SLIT2: variants seen among roughly 807,000 people sequenced by gnomAD.
SLIT2 encodes slit homolog 2 protein.
Under a neutral mutation model 185.7 loss-of-function variants are expected in SLIT2, and 41 were observed. The ratio of observed to expected loss-of-function variants is 0.22; its 90% CI spans 0.17 to 0.29. The LOEUF (loss-of-function observed/expected upper bound fraction) is 0.29. Ranked by LOEUF, SLIT2 falls within the 10% of genes least tolerant of loss-of-function variation. SLIT2 has a pLI of 1.00. For missense variants in SLIT2, 1,571 were observed against 1,909.0 expected (o/e 0.82, Z 3.30); for synonymous variants, 693 against 680.2 (o/e 1.02, Z -0.29).
chr4:20,510,449 G>A (rs368491077), intron 9 of SLIT2, 46 bp from the exon 10 acceptor site: 21 of 1,192,130 alleles, frequency 1.8e-5, no homozygotes, highest in Non-Finnish European at 2.3e-5. Context: ...AAACATGTCC[G>A]AAGGTTCACA....
Position 20,405,195 on chromosome 4 carries a change from T to TTATATATA in SLIT2, c.396-62550_396-62543dup, listed in dbSNP as rs149863258. 5.4e-3 allele frequency among the ~76,000 whole-genome samples: 806 copies of TTATATATA among 150,194 alleles called. 3 individuals are homozygous for TTATATATA. The highest frequency in any genetic ancestry group is 0.019 in the African/African-American group (770 of 41,156). On this transcript the variant is annotated intron_variant, in intron 4 of 36. Transcript: ENST00000504154. The stretch of plus-strand genomic sequence containing the variant: ...TTTAACATATACACTACACTGCCTA[T>TTATATATA]TATATATATATATAGCATTAAATAA...
intron 4 of SLIT2, among the ~76,000 whole-genome samples, chr4:20,384,831 T>C (rs1724805522): frequency 6.6e-6 from 1 of 152,092 alleles, no homozygotes; most frequent in South Asian, 2.1e-4. Flanking sequence ...TGCTTTATGG[T>C]TTTGAAAGTA....
chr4:20,418,396 A>G (rs1415671953), intron 4 of SLIT2, among the ~76,000 whole-genome samples: 2 of 152,228 alleles, frequency 1.3e-5, no homozygotes, highest in Non-Finnish European at 2.9e-5. Flanking sequence ...TATCTATGTA[A>G]GGTCCTAGTT....
At chr4:20,369,035 G>A (rs1723358620) in intron 4 of SLIT2, among the ~76,000 whole-genome samples, 1 of 152,078 alleles carries the variant, frequency 6.6e-6, no homozygotes, top group African/African-American at 2.4e-5. Flanking sequence ...TATTTCAGAG[G>A]AATTCAATTG....
intron 3 of SLIT2, among the ~76,000 whole-genome samples, chr4:20,265,067 G>A (rs1272568769): frequency 6.6e-6 from 1 of 151,780 alleles, no homozygotes; most frequent in Non-Finnish European, 1.5e-5. Flanking sequence ...TTCACTACAT[G>A]CTGTTTCCTG....
At chr4:20,343,960 C>T (rs1468577468) in intron 4 of SLIT2, among the ~76,000 whole-genome samples, 1 of 152,052 alleles carries the variant, frequency 6.6e-6, no homozygotes, top group Non-Finnish European at 1.5e-5. Flanking sequence ...AAGCAATTCT[C>T]CTGCCTCAGC....
At chr4:20,513,233 T>A (rs1473473335) in intron 11 of SLIT2, among the ~76,000 whole-genome samples, 1 of 152,136 alleles carries the variant, frequency 6.6e-6, no homozygotes, top group African/African-American at 2.4e-5. Context: ...GTCACTGGGG[T>A]TTTTCCAGTT....
At chr4:20,598,987 A>G (rs1170115481) in intron 33 of SLIT2, among the ~76,000 whole-genome samples, 1 of 152,162 alleles carries the variant, frequency 6.6e-6, no homozygotes, top group Non-Finnish European at 1.5e-5. Context: ...CCAGAGAATC[A>G]AATGAAGATA....
At chr4:20,328,804 T>A (rs1282421146) in intron 4 of SLIT2, among the ~76,000 whole-genome samples, 3 of 152,044 alleles carry the variant, frequency 2.0e-5, no homozygotes, top group Admixed American at 6.6e-5. Flanking sequence ...GGTGATGCTA[T>A]TGTAATGGAT....
intron 1 of SLIT2, among the ~76,000 whole-genome samples, chr4:20,256,322 G>T (rs113217539): frequency 6.7e-6 from 1 of 150,308 alleles, no homozygotes; most frequent in Admixed American, 6.6e-5. Context: ...TTTTTGGGGG[G>T]GGTGCCTAAC....
chr4:20,360,745 G>A (rs1393851459), intron 4 of SLIT2, among the ~76,000 whole-genome samples: 1 of 152,054 alleles, frequency 6.6e-6, no homozygotes, highest in Non-Finnish European at 1.5e-5. Flanking sequence ...ACTGTGCATG[G>A]TACATACTAT....
At chr4:20,436,285 A>C (rs938722852) in intron 4 of SLIT2, among the ~76,000 whole-genome samples, 24 of 152,314 alleles carry the variant, frequency 1.6e-4, no homozygotes, top group African/African-American at 5.8e-4. Context: ...ATCTAAGTAA[A>C]AACTATATGC....
At chr4:20,480,892 C>G (rs921726040) in intron 6 of SLIT2, 105 bp downstream of exon 6, 5 of 818,818 alleles carry the variant, frequency 6.1e-6, no homozygotes, top group African/African-American at 3.4e-5. Context: ...TCAAAATAGT[C>G]TCTCAAGAGA....
At chr4:20,513,435 T>C (rs181619179) in intron 11 of SLIT2, among the ~76,000 whole-genome samples, 125 of 152,350 alleles carry the variant, frequency 8.2e-4, no homozygotes, top group South Asian at 2.3e-3. Flanking sequence ...GATTAAGTTA[T>C]TTTCCCCTCC....
intron 5 of SLIT2, among the ~76,000 whole-genome samples, chr4:20,473,020 G>C (rs921170161): frequency 6.6e-6 from 1 of 151,656 alleles, no homozygotes; most frequent in East Asian, 1.9e-4. Flanking sequence ...TTACTTTACC[G>C]TTGGTTTTTT....
At chr4:20,304,291 G>A (rs1481555743) in intron 4 of SLIT2, among the ~76,000 whole-genome samples, 2 of 152,140 alleles carry the variant, frequency 1.3e-5, no homozygotes, top group East Asian at 3.9e-4. Flanking sequence ...ACGAAAGAAA[G>A]GAAGGAAAAA....
chr4:20,602,288 C>T (rs1388234118), intron 33 of SLIT2, among the ~76,000 whole-genome samples: 3 of 152,100 alleles, frequency 2.0e-5, no homozygotes, highest in Non-Finnish European at 4.4e-5. Flanking sequence ...TTTTCCAAAC[C>T]AGACAGCCTC....
chr4:20,319,212 A>G (rs937343035), intron 4 of SLIT2, among the ~76,000 whole-genome samples: 1 of 152,186 alleles, frequency 6.6e-6, no homozygotes, highest in Non-Finnish European at 1.5e-5. Context: ...CCAGTGGACT[A>G]TCTATTTAAA....
chr4:20,450,304 TGG>T (rs1560433249), intron 4 of SLIT2, among the ~76,000 whole-genome samples: 1 of 152,244 alleles, frequency 6.6e-6, no homozygotes, highest in Non-Finnish European at 1.5e-5. Context: ...CTTAGCCATG[TGG>T]ATGCCCTATG....
Sources: allele counts gnomAD v4.1 joint callset (sites outside exome capture counted in the v4.1 genomes callset), GRCh38; gene constraint gnomAD v4.1.1; transcripts MANE v1.5; gene names NCBI Gene and HGNC (gene_info 2026-07-23, HGNC 2026-07-21).